Variants in KIFC3 observed in about 807,000 individuals in gnomAD.
KIFC3 encodes kinesin-like protein KIFC3.
In KIFC3, 60 loss-of-function variants were observed where a neutral mutation model predicts 101.8. That is an observed-to-expected ratio of 0.59 (90% confidence interval 0.48 to 0.73). KIFC3 has a LOEUF of 0.73. Ranked by LOEUF, KIFC3 falls within the 30% of genes least tolerant of loss-of-function variation. The pLI is 0.00. For synonymous variants in KIFC3, 476 were observed against 482.7 expected (o/e 0.99, Z 0.18); for missense variants, 966 against 1,137.1 (o/e 0.85, Z 2.16).
chr16:57,840,577 G>A (rs185036), intron 1 of KIFC3, among the ~76,000 whole-genome samples: 127,305 of 151,910 alleles, frequency 0.84, 53,513 homozygotes, highest in East Asian at 0.95. Flanking sequence ...ACTGGCCAAC[G>A]TGGGGAAACC....
exon 1 of KIFC3, chr16:57,862,796 G>C: frequency 7.8e-7 from 1 of 1,289,652 alleles, no homozygotes; most frequent in Non-Finnish European, 1.0e-6. Flanking sequence ...CCATGCAGCT[G>C]TCAGAGTGTT....
intron 1 of KIFC3, among the ~76,000 whole-genome samples, chr16:57,855,824 T>C (rs1344296256): frequency 1.3e-5 from 2 of 151,626 alleles, no homozygotes; most frequent in East Asian, 3.9e-4. Context: ...CACACACCTA[T>C]AGTCCCAGCT....
At chr16:57,796,024 G>A (rs529880366) in intron 2 of KIFC3, among the ~76,000 whole-genome samples, 44 of 151,314 alleles carry the variant, frequency 2.9e-4, no homozygotes, top group African/African-American at 9.7e-4. Context: ...CTCCCGAGTA[G>A]CTGGGATTAC....
intron 1 of KIFC3, among the ~76,000 whole-genome samples, chr16:57,849,840 T>C (rs531298524): frequency 1.3e-4 from 20 of 151,986 alleles, no homozygotes; most frequent in Non-Finnish European, 2.9e-4. Flanking sequence ...AATGTGGAGG[T>C]TGCAGTGAGC....
At chr16:57,847,270 G>GGAAGGAAGGAAGGAA (rs1394728645) in intron 1 of KIFC3, among the ~76,000 whole-genome samples, 2 of 115,618 alleles carry the variant, frequency 1.7e-5, no homozygotes, top group South Asian at 3.5e-4. Context: ...AAGGAAGGAA[G>GGAAGGAAGGAAGGAA]GGAAGGGAGG....
intron 1 of KIFC3, chr16:57,816,698 C>A (rs1371788499): frequency 1.1e-5 from 5 of 456,490 alleles, no homozygotes; most frequent in African/African-American, 8.0e-5. Flanking sequence ...TTGGAGGGCA[C>A]CCCCACCAAC....
At chr16:57,824,220 T>C (rs2055413897) in intron 1 of KIFC3, among the ~76,000 whole-genome samples, 1 of 152,210 alleles carries the variant, frequency 6.6e-6, no homozygotes, top group Non-Finnish European at 1.5e-5. Flanking sequence ...TAAGAACCTC[T>C]GTTGGTCCAG....
At chr16:57,791,388 T>C (rs1417275991) in intron 3 of KIFC3, among the ~76,000 whole-genome samples, 1 of 152,196 alleles carries the variant, frequency 6.6e-6, no homozygotes, top group Non-Finnish European at 1.5e-5. Context: ...TTCTGGCCTG[T>C]TGGCCAAGCC....
intron 3 of KIFC3, chr16:57,779,320 A>G (rs190375363): frequency 1.3e-5 from 2 of 152,392 alleles, no homozygotes; most frequent in East Asian, 3.9e-4. Flanking sequence ...AAGTGAAATA[A>G]GCCAGTCACA....
intron 13 of KIFC3, 68 bp from the exon 14 acceptor site, chr16:57,761,604 C>G: frequency 1.3e-6 from 2 of 1,561,128 alleles, no homozygotes; most frequent in Non-Finnish European, 8.7e-7. Flanking sequence ...TGCACCCAGC[C>G]CCCCAGCCAG....
intron 1 of KIFC3, among the ~76,000 whole-genome samples, chr16:57,855,372 G>C (rs972075664): frequency 6.6e-6 from 1 of 151,656 alleles, no homozygotes; most frequent in East Asian, 1.9e-4. Flanking sequence ...TGATCTACCC[G>C]CCTTGGCCTC....
At chr16:57,849,375 C>T (rs911722614) in intron 1 of KIFC3, among the ~76,000 whole-genome samples, 3 of 152,158 alleles carry the variant, frequency 2.0e-5, no homozygotes, top group Non-Finnish European at 4.4e-5. Flanking sequence ...CACATCAGAT[C>T]GATTGAGACA....
intron 18 of KIFC3, 31 bp downstream of exon 18, chr16:57,759,697 C>T (rs367745056): frequency 3.2e-5 from 49 of 1,544,772 alleles, no homozygotes; most frequent in Non-Finnish European, 4.1e-5. Context: ...CCTGGGGAGA[C>T]TCCCCACCCA....
chr16:57,858,820 C>T (rs1409010516), intron 1 of KIFC3, among the ~76,000 whole-genome samples: 4 of 151,984 alleles, frequency 2.6e-5, no homozygotes, highest in South Asian at 2.1e-4. Context: ...CGTGGTGGCA[C>T]GTGCCTGTAA....
chr16:57,819,294 AC>A (rs1456606791), intron 1 of KIFC3, among the ~76,000 whole-genome samples: 2 of 152,118 alleles, frequency 1.3e-5, no homozygotes, highest in East Asian at 3.9e-4. Flanking sequence ...ACACAGGGAG[AC>A]CCTGTCTCTA....
chr16:57,803,852 T>C (rs1555626410), upstream of KIFC3, among the ~76,000 whole-genome samples: 1 of 152,246 alleles, frequency 6.6e-6, no homozygotes, highest in Non-Finnish European at 1.5e-5. Flanking sequence ...TGGGGAGTTA[T>C]GATCTCTGAA....
intron 1 of KIFC3, among the ~76,000 whole-genome samples, chr16:57,822,100 A>G (rs2055362484): frequency 6.6e-6 from 1 of 152,104 alleles, no homozygotes; most frequent in Non-Finnish European, 1.5e-5. Context: ...AACAAAAACT[A>G]AAACAAAAAA....
intron 1 of KIFC3, among the ~76,000 whole-genome samples, chr16:57,840,653 G>A (rs1226411047): frequency 2.0e-5 from 3 of 151,028 alleles, no homozygotes; most frequent in Non-Finnish European, 3.0e-5. Flanking sequence ...CCAGCTACTC[G>A]GGAGGCTGAG....
rs149165525 is a variant in KIFC3, at chr16:57,761,121, G to A, written c.1923C>T (p.Asn641=). 1.3e-4 allele frequency: 202 copies of A among 1,613,996 alleles called. 1 individual carries two copies. Among genetic ancestry groups the A allele is most frequent in the Middle Eastern group, 5.0e-4 (3 of 6,052 alleles). ...GCGCGTGCGAGCGGGAGCTGTGCTC[G>A]TTCAGGTTGGTGAACTCGGTCGTGC... The part of the protein sequence containing the change: ...TNRTTEFTNL[N]EHSSRSHALL... The change falls in exon 15 of 20, where the codon AAC becomes AAT. Residue 641 remains asparagine, a synonymous_variant. Coordinates refer to ENST00000445690, the MANE Select transcript of KIFC3 (RefSeq NM_001130100.2).
Sources: allele counts gnomAD v4.1 joint callset (sites outside exome capture counted in the v4.1 genomes callset), GRCh38; gene constraint gnomAD v4.1.1; transcripts MANE v1.5; gene names NCBI Gene and HGNC (gene_info 2026-07-23, HGNC 2026-07-21).